Variants in RBM20 observed in about 807,000 individuals in gnomAD.
RBM20 encodes RNA-binding protein 20.
In RBM20, 51 loss-of-function variants were observed where a neutral mutation model predicts 110.1. The ratio of observed to expected loss-of-function variants is 0.46; its 90% CI spans 0.37 to 0.59. RBM20 has a LOEUF of 0.59. Ranked by LOEUF, RBM20 falls within the 20% of genes least tolerant of loss-of-function variation. The pLI is 0.00. For missense variants in RBM20, 1,512 were observed against 1,574.9 expected (o/e 0.96, Z 0.68); for synonymous variants, 589 against 618.2 (o/e 0.95, Z 0.70).
chr10:110,758,045 G>A (rs1843944910), intron 1 of RBM20, among the ~76,000 whole-genome samples: 1 of 66,336 alleles, frequency 1.5e-5, no homozygotes, highest in Non-Finnish European at 2.9e-5. Flanking sequence ...TTTTGAGACA[G>A]GGCTCACCTG....
chr10:110,718,460 A>G (rs1408179825), intron 1 of RBM20, among the ~76,000 whole-genome samples: 1 of 151,042 alleles, frequency 6.6e-6, no homozygotes, highest in Non-Finnish European at 1.5e-5. Context: ...TTTTTCTGGT[A>G]TTTCTATCTG....
intron 13 of RBM20, 90 bp downstream of exon 13, chr10:110,831,272 C>T: frequency 7.0e-7 from 1 of 1,424,520 alleles, no homozygotes; most frequent in Non-Finnish European, 9.5e-7. Context: ...CCTTGCTTGC[C>T]TCTGAGTCTA....
chr10:110,733,324 C>G lies in RBM20; in HGVS notation c.192-47477C>G, dbSNP rs577750041. Among the ~76,000 whole-genome samples, 8 of 152,340 alleles carry G rather than the reference C, an allele frequency of 5.3e-5. No homozygotes were observed. The East Asian group carries it at 1.5e-3, about 29-fold the overall frequency. ...GAATCAGTGACCCCTTCCCTGCCCT[C>G]ACCCCTGGCGGGGGATGTGTAATGT... On this transcript the variant is annotated intron_variant, in intron 1 of 13. Transcript: ENST00000369519.
intron 12 of RBM20, chr10:110,827,687 T>C (rs1212569557): frequency 2.6e-5 from 4 of 152,194 alleles, no homozygotes; most frequent in Non-Finnish European, 4.4e-5. Flanking sequence ...AGTGAACAAA[T>C]ACTGGTAAGG....
rs1294810237 is a variant in RBM20, at chr10:110,739,102, G to A, written c.192-41699G>A. On this transcript the variant is annotated intron_variant, in intron 1 of 13. Coordinates refer to ENST00000369519, the MANE Select transcript of RBM20 (RefSeq NM_001134363.3). This position sits in a 1 kb window ranked among gnomAD's most constrained non-coding sequence, Gnocchi z 4.1. ...GTACCTGTCGCAGGTGGCATTTTCT[G>A]GCTGGGCACAGGATCAGATGGATGT... Among the ~76,000 whole-genome samples, 25 of 152,190 alleles carry A rather than the reference G, an allele frequency of 1.6e-4. 1 individual carries two copies. The highest frequency in any genetic ancestry group is 1.6e-3 in the Admixed American group (24 of 15,282).
At chr10:110,733,222 T>G (rs1007397033) in intron 1 of RBM20, among the ~76,000 whole-genome samples, 2 of 152,232 alleles carry the variant, frequency 1.3e-5, no homozygotes, top group Admixed American at 1.3e-4. Flanking sequence ...CTTTCTGCCC[T>G]TCTTGCTCCA....
chr10:110,701,563 C>T (rs1457363606), intron 1 of RBM20, among the ~76,000 whole-genome samples: 1 of 152,146 alleles, frequency 6.6e-6, no homozygotes, highest in East Asian at 1.9e-4. Context: ...CCTCCTTTGC[C>T]TTATCTTGGG....
Position 110,812,831 on chromosome 10 carries a change from A to T in RBM20, c.2434A>T (p.Thr812Ser), listed in dbSNP as rs1564661367. The T allele has an allele frequency of 6.5e-7, 1 of 1,539,520 alleles. No individual in the cohort carries two copies. Among genetic ancestry groups the T allele is most frequent in the African/African-American group, 1.4e-5 (1 of 72,490 alleles). ...GKEDGLGPKV[T>S]RAPEGAKAKQ... ...GGAAGATGGGCTGGGGCCAAAGGTC[A>T]CTAGGGCCCCTGAGGGCGCCAAGGC... is the stretch of plus-strand genomic sequence containing the variant. Residue 812 changes from threonine (T) to serine (S), a missense_variant, in exon 9 of 14, where the codon ACT becomes TCT. By Grantham distance (58) the Thr-to-Ser change is moderately conservative (BLOSUM62 1). Coordinates refer to ENST00000369519, the MANE Select transcript of RBM20 (RefSeq NM_001134363.3).
intron 1 of RBM20, among the ~76,000 whole-genome samples, chr10:110,728,892 C>G (rs981924864): frequency 2.6e-5 from 4 of 152,204 alleles, no homozygotes; most frequent in African/African-American, 9.7e-5. Flanking sequence ...TTTATGCACA[C>G]AGCCTTGAAC....
intron 1 of RBM20, among the ~76,000 whole-genome samples, chr10:110,773,015 T>C (rs1844213813): frequency 6.6e-6 from 1 of 152,218 alleles, no homozygotes; most frequent in African/African-American, 2.4e-5. Flanking sequence ...GGAAACTAAC[T>C]GACCTAGGAT....
chr10:110,687,994 T>TG (rs1441459120), intron 1 of RBM20, among the ~76,000 whole-genome samples: 2,064 of 94,474 alleles, frequency 0.022, 55 homozygotes, highest in African/African-American at 0.069. Flanking sequence ...CCTAAATGGT[T>TG]TTGTGTGTGT....
chr10:110,804,524 C>T (rs530582264), intron 7 of RBM20, among the ~76,000 whole-genome samples: 4 of 152,310 alleles, frequency 2.6e-5, no homozygotes, highest in African/African-American at 9.6e-5. Context: ...TTTTCATTTC[C>T]TCTCTTGAAT....
In RBM20 at chr10:110,812,359, C is replaced by G; in HGVS notation, c.1962C>G (p.Ser654=). ...SPRSHTPSFT[S]CSSSHSPPGP... is the part of the protein sequence containing the mutation. Reference sequence around the variant, plus strand: ...GGTCCCACACTCCCAGCTTCACCTCCTGCAGCTCTTCCCACAGCCCTCCGG... The same window carrying G: ...GGTCCCACACTCCCAGCTTCACCTCGTGCAGCTCTTCCCACAGCCCTCCGG... The change falls in exon 9 of 14, where the codon TCC becomes TCG. Residue 654 remains serine (S), a synonymous_variant. Coordinates refer to ENST00000369519, the MANE Select transcript of RBM20 (RefSeq NM_001134363.3). 6.4e-7 allele frequency: 1 copy of G among 1,551,644 alleles called. No individual in the cohort carries two copies. Among genetic ancestry groups the G allele is most frequent in the Non-Finnish European group, 8.7e-7 (1 of 1,147,012 alleles).
intron 2 of RBM20, among the ~76,000 whole-genome samples, chr10:110,782,130 G>A (rs891029490): frequency 6.6e-6 from 1 of 152,232 alleles, no homozygotes; most frequent in Non-Finnish European, 1.5e-5. Flanking sequence ...TGAGAAAGCT[G>A]AGGCTGAGTA....
intron 1 of RBM20, among the ~76,000 whole-genome samples, chr10:110,754,261 C>T (rs1843894869): frequency 1.3e-5 from 2 of 152,068 alleles, no homozygotes; most frequent in South Asian, 4.1e-4. Flanking sequence ...ATTTTTTTCT[C>T]TAAGCTTTTC....
chr10:110,762,717 G>A (rs1209050986), intron 1 of RBM20, among the ~76,000 whole-genome samples: 3 of 152,158 alleles, frequency 2.0e-5, no homozygotes, highest in Non-Finnish European at 4.4e-5. Context: ...CAGGTTTCAG[G>A]TGTTTGTTTT....
intron 1 of RBM20, among the ~76,000 whole-genome samples, chr10:110,699,733 G>A (rs1478018699): frequency 1.3e-5 from 2 of 151,880 alleles, no homozygotes; most frequent in African/African-American, 2.4e-5. Context: ...ACTGCAAATA[G>A]TACTGAACCC....
At chr10:110,754,330 T>C (rs978930974) in intron 1 of RBM20, among the ~76,000 whole-genome samples, 1 of 152,224 alleles carries the variant, frequency 6.6e-6, no homozygotes, top group Admixed American at 6.5e-5. Context: ...GTACATTCCT[T>C]AACATTTACT....
rs138783999 is a variant in RBM20, at chr10:110,800,684, G to A, written c.1800+766G>A. 5.8e-4 allele frequency among the ~76,000 whole-genome samples: 89 copies of A among 152,260 alleles called. 2 individuals carry two copies. The East Asian group carries it at 0.017, about 29-fold the overall frequency. On this transcript the variant is annotated intron_variant, in intron 7 of 13. Coordinates refer to ENST00000369519, the MANE Select transcript of RBM20 (RefSeq NM_001134363.3). ...CCCTCTCTACTCTCCTGACTTCAAT[G>A]ATAATCATATCTGTGCTTTTCCTTA...
Sources: allele counts gnomAD v4.1 joint callset (sites outside exome capture counted in the v4.1 genomes callset), GRCh38; gene constraint gnomAD v4.1.1; non-coding constraint Gnocchi (gnomAD v3.1); transcripts MANE v1.5; gene names NCBI Gene and HGNC (gene_info 2026-07-23, HGNC 2026-07-21).